IGF2BP2: variants seen among roughly 807,000 people sequenced by gnomAD.
IGF2BP2 encodes the protein insulin-like growth factor 2 mRNA-binding protein 2.
A neutral mutation model predicts 75.8 loss-of-function variants in IGF2BP2; 17 were observed. The observed-to-expected ratio is 0.22, with a 90% CI of 0.15 to 0.34. The LOEUF (loss-of-function observed/expected upper bound fraction) is 0.34. Among genes scored for constraint, IGF2BP2 ranks in the 10% least tolerant of loss-of-function variants. The pLI, the probability that IGF2BP2 is intolerant of heterozygous loss-of-function variation, is 1.00. For missense variants in IGF2BP2, 516 were observed against 772.4 expected (o/e 0.67, Z 3.93); for synonymous variants, 288 against 295.6 (o/e 0.97, Z 0.26).
intron 12 of IGF2BP2, among the ~76,000 whole-genome samples, chr3:185,655,928 C>G (rs1463882807): frequency 2.6e-5 from 4 of 152,248 alleles, no homozygotes; most frequent in African/African-American, 9.6e-5. Flanking sequence ...TGGTGAGCCC[C>G]AGGAGGTGCT....
chr3:185,702,346 T>C (rs968161629), intron 2 of IGF2BP2, among the ~76,000 whole-genome samples: 2 of 152,012 alleles, frequency 1.3e-5, no homozygotes, highest in African/African-American at 4.8e-5. Context: ...TTCGTTTCCC[T>C]CCTTCCTTTA....
chr3:185,672,810 G>C, intron 9 of IGF2BP2, 141 bp from the exon 10 acceptor site: 2 of 863,184 alleles, frequency 2.3e-6, no homozygotes, highest in Non-Finnish European at 3.6e-6. Flanking sequence ...CTGTATCAGA[G>C]GTGGGTGCCA....
At chr3:185,807,113 A>C (rs1739127394) in intron 2 of IGF2BP2, among the ~76,000 whole-genome samples, 1 of 152,200 alleles carries the variant, frequency 6.6e-6, no homozygotes, top group Non-Finnish European at 1.5e-5. Flanking sequence ...GTAACAAACA[A>C]CTTTATTGAT....
At chr3:185,809,594 C>T (rs1739527446) in intron 2 of IGF2BP2, among the ~76,000 whole-genome samples, 1 of 151,962 alleles carries the variant, frequency 6.6e-6, no homozygotes, top group Admixed American at 6.6e-5. Flanking sequence ...AGCATCATTG[C>T]ACCCTAGCCT....
Position 185,672,607 on chromosome 3 carries a change from C to G in IGF2BP2, c.1134G>C (p.Leu378=). Residue 378 remains leucine (L), a synonymous_variant, in exon 10 of 16, where the codon CTG becomes CTC. Transcript: ENST00000382199. ...LSALGIFSTG[L]SVLSPPAGPR... The stretch of plus-strand genomic sequence containing the variant: ...GCCCTGCTGGTGGAGATAGCACGGA[C>G]AGTCCTGTTGAAAAGATGCCAAGTG... 1.2e-6 allele frequency: 2 copies of G among 1,613,912 alleles called. No homozygotes were observed. Among genetic ancestry groups the G allele is most frequent in the East Asian group, 2.2e-5 (1 of 44,890 alleles).
At chr3:185,677,068 T>TATATATAG in intron 7 of IGF2BP2, among the ~76,000 whole-genome samples, 100 of 35,854 alleles carry the variant, frequency 2.8e-3, no homozygotes, top group Middle Eastern at 0.023. Context: ...TATATATATA[T>TATATATAG]AGAGAGAGAG....
At chr3:185,679,970 CAAT>C (rs759093087) in intron 7 of IGF2BP2, among the ~76,000 whole-genome samples, 3 of 151,894 alleles carry the variant, frequency 2.0e-5, no homozygotes, top group East Asian at 3.9e-4. Context: ...ATAAAAACGG[CAAT>C]AATAAAAATC....
chr3:185,719,423 C>T (rs551648104), intron 2 of IGF2BP2, among the ~76,000 whole-genome samples: 8 of 152,330 alleles, frequency 5.3e-5, no homozygotes, highest in South Asian at 2.1e-4. Context: ...AACACCCCTA[C>T]GCAGAGCTCT....
chr3:185,658,320 C>T (rs749443500), intron 11 of IGF2BP2, 21 bp downstream of exon 11: 4 of 1,611,496 alleles, frequency 2.5e-6, no homozygotes, highest in Non-Finnish European at 3.4e-6. Flanking sequence ...GCAGGTGCGG[C>T]TGAACTGAGG....
rs1173390232 is a variant in IGF2BP2 at position 185,649,391 on chromosome 3, G to A, written c.1593+12C>T. On this transcript the variant is annotated intron_variant, in intron 14 of 15. Transcript: ENST00000382199. ...TGACCCAGGTGATGAAGCGAGCCCGGAGCACACTTACGGTCTTGCCACCTT... is the reference window on the plus strand; with the variant it reads ...TGACCCAGGTGATGAAGCGAGCCCGAAGCACACTTACGGTCTTGCCACCTT... The A allele has an allele frequency of 6.2e-7, 1 of 1,612,402 alleles. No individual in the cohort carries two copies. Among genetic ancestry groups the A allele is most frequent in the Admixed American group, 1.7e-5 (1 of 59,996 alleles).
intron 12 of IGF2BP2, among the ~76,000 whole-genome samples, chr3:185,655,910 C>T (rs909065376): frequency 6.6e-6 from 1 of 152,168 alleles, no homozygotes; most frequent in Non-Finnish European, 1.5e-5. Context: ...AATGAAGAGG[C>T]GCTGTAGTGG....
chr3:185,689,686 C>G (rs551384709), intron 5 of IGF2BP2, 59 bp from the exon 6 acceptor site: 1 of 1,605,030 alleles, frequency 6.2e-7, no homozygotes, highest in South Asian at 1.1e-5. Context: ...AAGACCCTCC[C>G]GGCCGGGCGC....
intron 2 of IGF2BP2, among the ~76,000 whole-genome samples, chr3:185,763,939 G>A (rs1362846415): frequency 6.6e-6 from 1 of 152,134 alleles, no homozygotes; most frequent in Non-Finnish European, 1.5e-5. Context: ...TGTATTTGGT[G>A]ACAGTGGGTA....
chr3:185,713,102 G>A (rs867174039), intron 2 of IGF2BP2: 9 of 265,472 alleles, frequency 3.4e-5, no homozygotes, highest in Middle Eastern at 2.8e-3. Context: ...GTGTGTGTGT[G>A]CAAGAGACAT....
rs1411758656 is a variant in IGF2BP2, at chr3:185,699,629, T to C, written c.240-1282A>G. ...GCAAATGTGAATATATATTCATATTTTCACCCTTTTCTTAGAGAAGTATCT... is the reference window on the plus strand; with the variant it reads ...GCAAATGTGAATATATATTCATATTCTCACCCTTTTCTTAGAGAAGTATCT... On this transcript the variant is annotated intron_variant, in intron 2 of 15. Coordinates refer to ENST00000382199, the MANE Select transcript of IGF2BP2 (RefSeq NM_006548.6). 2.0e-5 allele frequency among the ~76,000 whole-genome samples: 3 copies of C among 152,244 alleles called. No homozygotes were observed. In the East Asian group the frequency reaches 5.8e-4, roughly 29 times the overall value.
intron 2 of IGF2BP2, among the ~76,000 whole-genome samples, chr3:185,753,585 T>C (rs760873399): frequency 1.3e-5 from 2 of 152,214 alleles, no homozygotes; most frequent in Non-Finnish European, 2.9e-5. Flanking sequence ...CATCACTTCC[T>C]GCGGCTAAGT....
At chr3:185,822,415 TTTCTC>T (rs1177628687) in intron 2 of IGF2BP2, among the ~76,000 whole-genome samples, 5 of 152,186 alleles carry the variant, frequency 3.3e-5, no homozygotes, top group African/African-American at 9.7e-5. Context: ...ACAAAGATGT[TTTCTC>T]TTCTCTTCTC....
chr3:185,716,496 G>C lies in IGF2BP2; in HGVS notation c.240-18149C>G, dbSNP rs778221742. The stretch of plus-strand genomic sequence containing the variant: ...CTTATGTCTCTGCTAACAATAAAAA[G>C]AACAGCTTTTGGGGAAGTGGGCTGC... On this transcript the variant is annotated intron_variant, in intron 2 of 15. Coordinates refer to ENST00000382199, the MANE Select transcript of IGF2BP2 (RefSeq NM_006548.6). The C allele has an allele frequency of 5.8e-6, 3 of 519,888 alleles. No homozygotes were observed. The Admixed American group carries it at 5.8e-5, about 10-fold the overall frequency. The allele number at this position is 519,888 out of a possible 1,614,324, so 32.2% of individuals were successfully genotyped here. A position where few individuals can be genotyped will look rare whatever the true frequency, so the allele number is the denominator to read the frequency against.
chr3:185,682,338 T>C (rs1375971030), intron 7 of IGF2BP2, among the ~76,000 whole-genome samples: 1 of 152,182 alleles, frequency 6.6e-6, no homozygotes, highest in Non-Finnish European at 1.5e-5. Context: ...ATTAGTGGGT[T>C]GAGGGATAGT....
Sources: allele counts gnomAD v4.1 joint callset (sites outside exome capture counted in the v4.1 genomes callset), GRCh38; gene constraint gnomAD v4.1.1; transcripts MANE v1.5; gene names NCBI Gene and HGNC (gene_info 2026-07-23, HGNC 2026-07-21).